MCM5: variants seen among roughly 807,000 people sequenced by gnomAD.
MCM5 encodes minichromosome maintenance complex component 5, also known as DNA replication licensing factor MCM5.
MCM5 carries 46 observed loss-of-function variants against 79.9 expected under a neutral mutation model. The ratio of observed to expected loss-of-function variants is 0.58; its 90% CI spans 0.45 to 0.74. The LOEUF (loss-of-function observed/expected upper bound fraction) is 0.74, where lower values mean the gene tolerates loss of function less well. MCM5 is among the 30% of genes least tolerant of loss of function. MCM5 has a pLI of 0.00. For synonymous variants in MCM5, 404 were observed against 390.5 expected (o/e 1.03, Z -0.41); for missense variants, 883 against 1,017.0 (o/e 0.87, Z 1.79).
At chr22:35,403,820 G>T (rs1171052113) in intron 4 of MCM5, among the ~76,000 whole-genome samples, 1 of 151,854 alleles carries the variant, frequency 6.6e-6, no homozygotes, top group Non-Finnish European at 1.5e-5. Flanking sequence ...TTTTGCTAAA[G>T]AATTTTAAAG....
At chr22:35,408,623 TAACCCG>T (rs1197676827) in intron 6 of MCM5, 60 bp downstream of exon 6, 2 of 1,558,080 alleles carry the variant, frequency 1.3e-6, no homozygotes, top group Non-Finnish European at 1.7e-6. Context: ...GCTGTGGCCC[TAACCCG>T]AGTGTTGGGA....
At chr22:35,417,686 C>T in intron 12 of MCM5, 58 bp from the exon 13 acceptor site, 1 of 1,237,872 alleles carries the variant, frequency 8.1e-7, no homozygotes, top group Non-Finnish European at 1.2e-6. Context: ...CACCTCAGTG[C>T]TGGGACTCAG....
In MCM5 at chr22:35,417,809, C is replaced by T. The variant is rs575195385; in HGVS notation, c.1656C>T (p.Gly552=). ...TGACACAGACACAGGCTGTGGAGGG[C>T]GAGATTGACCTGGCCAAGCTGAAGA... ...SALTQTQAVE[G]EIDLAKLKKF... The change falls in exon 13 of 17, where the codon GGC becomes GGT. Residue 552 remains glycine, a synonymous_variant. Transcript: ENST00000216122. 37 of 1,614,128 alleles carry T rather than the reference C, an allele frequency of 2.3e-5. No homozygotes were observed. In the East Asian group the frequency reaches 5.1e-4, roughly 22 times the overall value.
intron 5 of MCM5, 39 bp from the exon 6 acceptor site, chr22:35,408,369 C>G: frequency 6.3e-7 from 1 of 1,583,292 alleles, no homozygotes; most frequent in Non-Finnish European, 8.6e-7. Flanking sequence ...TTGGATTCTC[C>G]AGGTAGCTTT....
rs757379808 is a variant in MCM5, at chr22:35,419,868, C to A, written c.1704-16C>A. The stretch of plus-strand genomic sequence containing the variant: ...CCCTCCTGGCCTCACACCAGCCTCT[C>A]CCCACTGTCCTGCAGGAAGTGTGGC... On this transcript the variant is annotated splice_polypyrimidine_tract_variant and intron_variant, in intron 13 of 16. Coordinates refer to ENST00000216122, the MANE Select transcript of MCM5 (RefSeq NM_006739.4). 2 of 1,601,112 alleles carry A rather than the reference C, an allele frequency of 1.2e-6. No homozygotes were observed. Among genetic ancestry groups the A allele is most frequent in the Admixed American group, 1.7e-5 (1 of 58,708 alleles).
downstream of MCM5, among the ~76,000 whole-genome samples, chr22:35,428,760 A>G (rs1482360940): frequency 1.3e-5 from 2 of 151,934 alleles, no homozygotes; most frequent in African/African-American, 4.8e-5. Flanking sequence ...CTCAGGGCTC[A>G]CCACCACCTA....
chr22:35,440,972 G>A, the MCM5 span, among the ~76,000 whole-genome samples: 8 of 151,550 alleles, frequency 5.3e-5, no homozygotes, highest in African/African-American at 1.7e-4. Context: ...CAGGAGAATC[G>A]CTTGAACCCG....
At chr22:35,401,254 C>G (rs560649770) in intron 2 of MCM5, 2 of 384,764 alleles carry the variant, frequency 5.2e-6, no homozygotes, top group East Asian at 1.5e-4. Context: ...CATCTGCTTC[C>G]TATCATCCTT....
chr22:35,423,809 C>T (rs142200623), intron 16 of MCM5: 16 of 251,930 alleles, frequency 6.4e-5, no homozygotes, highest in Admixed American at 3.3e-4. Context: ...TTCTGGTCTC[C>T]GCTCCTTGTA....
chr22:35,440,988 C>G, the MCM5 span, among the ~76,000 whole-genome samples: 2 of 147,106 alleles, frequency 1.4e-5, no homozygotes, highest in Non-Finnish European at 3.0e-5. Flanking sequence ...ACCCGGGAGG[C>G]GGAGGTTGCG....
chr22:35,439,825 G>A, the MCM5 span, among the ~76,000 whole-genome samples: 3 of 152,342 alleles, frequency 2.0e-5, no homozygotes, highest in Admixed American at 1.3e-4. Context: ...CTAATACTTT[G>A]CAAGACTGTT....
chr22:35,421,823 C>T (rs887702324), intron 15 of MCM5: 3 of 344,810 alleles, frequency 8.7e-6, no homozygotes, highest in African/African-American at 4.3e-5. Flanking sequence ...ACAGCTGCCC[C>T]CTGGAAGCCA....
intron 6 of MCM5, chr22:35,410,384 G>A (rs941730045): frequency 9.8e-6 from 3 of 306,000 alleles, no homozygotes; most frequent in African/African-American, 2.2e-5. Context: ...ACCACACAGT[G>A]AGCTGACAGC....
At chr22:35,439,017 ATC>A in the MCM5 span, among the ~76,000 whole-genome samples, 12 of 147,300 alleles carry the variant, frequency 8.1e-5, 1 homozygote, top group East Asian at 2.0e-4. Context: ...CCATCCATCC[ATC>A]CACATATTCA....
Position 35,411,002 on chromosome 22 carries a change from C to T in MCM5, c.919+92C>T, listed in dbSNP as rs868816957. On this transcript the variant is annotated intron_variant, in intron 7 of 16. Transcript: ENST00000216122. ...GGCAGCTCGTTACTTCATGAGGTAG[C>T]CCAGGATGTCCTTGTGTTGCTCATA... The T allele has an allele frequency of 9.4e-5, 111 of 1,186,598 alleles. No homozygotes were observed. In the African/African-American group the frequency reaches 1.6e-3, roughly 17 times the overall value. The allele number at this position is 1,186,598 out of a possible 1,614,324, so 73.5% of individuals were successfully genotyped here.
chr22:35,412,342 G>T (rs553577750), intron 7 of MCM5, among the ~76,000 whole-genome samples, 168 bp from the exon 8 acceptor site: 1 of 152,210 alleles, frequency 6.6e-6, no homozygotes, highest in South Asian at 2.1e-4. Context: ...GCCCATTCCT[G>T]AGGGCTTGAG....
the MCM5 span, among the ~76,000 whole-genome samples, chr22:35,448,050 C>G: frequency 1.3e-5 from 2 of 152,210 alleles, no homozygotes; most frequent in Non-Finnish European, 2.9e-5. Flanking sequence ...AGGTGGGGAA[C>G]TGTCCCCTCC....
At chr22:35,410,978 G>A (rs1932368011) in intron 7 of MCM5, 68 bp downstream of exon 7, 4 of 1,453,948 alleles carry the variant, frequency 2.8e-6, no homozygotes, top group Non-Finnish European at 3.7e-6. Context: ...CTGGTAACAG[G>A]CAGCTCGTTA....
intron 10 of MCM5, 55 bp from the exon 11 acceptor site, chr22:35,416,284 C>A: frequency 1.3e-6 from 2 of 1,527,574 alleles, no homozygotes; most frequent in South Asian, 1.1e-5. Context: ...GTTTCTACTG[C>A]TCCCTGCTCC....
Sources: allele counts gnomAD v4.1 joint callset (sites outside exome capture counted in the v4.1 genomes callset), GRCh38; gene constraint gnomAD v4.1.1; transcripts MANE v1.5; gene names NCBI Gene and HGNC (gene_info 2026-07-23, HGNC 2026-07-21).